The following GRSF1 variants were observed in gnomAD, a reference collection of about 807,000 sequenced individuals.
The protein encoded by GRSF1 is G-rich sequence factor 1.
GRSF1 carries 50 observed loss-of-function variants against 51.1 expected under a neutral mutation model. The observed-to-expected ratio is 0.98, with a 90% CI of 0.78 to 1.24. The LOEUF (loss-of-function observed/expected upper bound fraction) is 1.24. GRSF1 is among the 50% of genes most tolerant of loss of function. GRSF1 has a pLI of 0.00. For synonymous variants in GRSF1, 293 were observed against 253.3 expected (o/e 1.16, Z -1.49); for missense variants, 700 against 639.7 (o/e 1.09, Z -1.02).
chr4:70,841,655 A>G (rs1734461175), upstream of GRSF1, among the ~76,000 whole-genome samples: 1 of 152,196 alleles, frequency 6.6e-6, no homozygotes, highest in East Asian at 1.9e-4. Context: ...TTTTAAAGCA[A>G]TGGGTATTAC....
intron 5 of GRSF1, among the ~76,000 whole-genome samples, chr4:70,828,407 A>G (rs527399474): frequency 6.6e-6 from 1 of 152,202 alleles, no homozygotes. Flanking sequence ...CTGAAATTCA[A>G]TTCTGTGCAA....
At chr4:70,835,653 G>C (rs549006687) in intron 2 of GRSF1, among the ~76,000 whole-genome samples, 109 of 152,028 alleles carry the variant, frequency 7.2e-4, no homozygotes, top group African/African-American at 2.5e-3. Context: ...ATGTTAGCCA[G>C]GATGGTCTCG....
At chr4:70,836,731 T>C (rs145307561) in intron 1 of GRSF1, among the ~76,000 whole-genome samples, 2 of 152,124 alleles carry the variant, frequency 1.3e-5, no homozygotes, top group East Asian at 3.9e-4. Context: ...ATAATTAAGA[T>C]ACAAAATACT....
intron 9 of GRSF1, among the ~76,000 whole-genome samples, chr4:70,822,406 A>G (rs2148834854): frequency 6.6e-6 from 1 of 151,996 alleles, no homozygotes; most frequent in African/African-American, 2.4e-5. Flanking sequence ...AACATGGTGA[A>G]ACCCCGTCTC....
intron 9 of GRSF1, among the ~76,000 whole-genome samples, chr4:70,821,668 TG>T (rs1389499727): frequency 8.3e-6 from 1 of 120,858 alleles, no homozygotes; most frequent in Non-Finnish European, 1.6e-5. Context: ...CGTGTTTTTT[TG>T]TTCCTTTTTT....
upstream of GRSF1, chr4:70,839,898 A>T (rs368076916): frequency 4.3e-5 from 55 of 1,279,098 alleles, no homozygotes; most frequent in East Asian, 1.1e-4. Context: ...AGTGGAATCC[A>T]GGGCCGGTTG....
At chr4:70,833,521 A>G (rs1734068597) in intron 2 of GRSF1, among the ~76,000 whole-genome samples, 1 of 152,206 alleles carries the variant, frequency 6.6e-6, no homozygotes, top group Non-Finnish European at 1.5e-5. Context: ...TAAATAGCAA[A>G]TCAGGATAGG....
intron 5 of GRSF1, among the ~76,000 whole-genome samples, chr4:70,830,075 A>G (rs1338714498): frequency 1.3e-5 from 2 of 152,300 alleles, no homozygotes; most frequent in South Asian, 2.1e-4. Context: ...TAATTTCTTC[A>G]AAAGTCAATT....
In GRSF1 at chr4:70,815,838, T is replaced by C. The variant is rs1733289617; in HGVS notation, c.*5049A>G. ...ATAGCCCCAAACTAGAAACAGCCCA[T>C]TGTTCACCAGTTAGTTGTTCACCTA... On this transcript the variant is annotated 3_prime_UTR_variant, in exon 10 of 10. Coordinates refer to ENST00000254799, the MANE Select transcript of GRSF1 (RefSeq NM_002092.4). 6.6e-6 allele frequency: 1 copy of C among 152,206 alleles called. No individual in the cohort carries two copies. The highest frequency in any genetic ancestry group is 2.1e-4 in the South Asian group (1 of 4,828). The allele number at this position is 152,206 out of a possible 1,614,324, so 9.4% of individuals were successfully genotyped here. A position where few individuals can be genotyped will look rare whatever the true frequency, so the allele number is the denominator to read the frequency against.
At chr4:70,826,937 C>G (rs574900131) in intron 6 of GRSF1, among the ~76,000 whole-genome samples, 1 of 152,134 alleles carries the variant, frequency 6.6e-6, no homozygotes, top group African/African-American at 2.4e-5. Context: ...TTAAAAGATT[C>G]CAAATGTTGC....
chr4:70,825,293 T>TA lies in GRSF1; in HGVS notation c.1393+2dup. On this transcript the variant is annotated splice_region_variant and intron_variant, in intron 8 of 9. Transcript: ENST00000254799. ...GACAACAAAAGCCAAAGGCAGGACT[T>TA]ACGAACGTGGGACCGATCCTTGAGC... is the stretch of plus-strand genomic sequence containing the variant. The TA allele has an allele frequency of 6.3e-7, 1 of 1,599,652 alleles. No homozygotes were observed. Among genetic ancestry groups the TA allele is most frequent in the Non-Finnish European group, 8.5e-7 (1 of 1,169,812 alleles).
rs1185412294 is a variant in GRSF1 at position 70,824,171 on chromosome 4, A to G, written c.*25+123T>C. On this transcript the variant is annotated intron_variant, in intron 9 of 9. Coordinates refer to ENST00000254799, the MANE Select transcript of GRSF1 (RefSeq NM_002092.4). The stretch of plus-strand genomic sequence containing the variant: ...TTTTTAGTAGAGACAGGGTTTCACC[A>G]TGTTGGCCAGGCTGGCTTGAACTCC... 1.3e-5 allele frequency: 6 copies of G among 470,276 alleles called. No individual in the cohort carries two copies. The East Asian group carries it at 2.2e-4, about 17-fold the overall frequency. 29.1% of individuals were successfully genotyped at this position (470,276 alleles called of 1,614,324 possible). A position where few individuals can be genotyped will look rare whatever the true frequency, so the allele number is the denominator to read the frequency against.
intron 6 of GRSF1, 105 bp from the exon 7 acceptor site, chr4:70,826,350 A>G: frequency 1.0e-6 from 1 of 973,716 alleles, no homozygotes; most frequent in Non-Finnish European, 1.5e-6. Flanking sequence ...AATTCCTCTT[A>G]AGAGCATTAA....
rs114910661 is a variant in GRSF1 at position 70,822,149 on chromosome 4, G to C, written c.*26-1288C>G. On this transcript the variant is annotated intron_variant, in intron 9 of 9. Coordinates refer to ENST00000254799, the MANE Select transcript of GRSF1 (RefSeq NM_002092.4). The stretch of plus-strand genomic sequence containing the variant: ...TCAAGATGTATTAAGCAAATCTCAC[G>C]GGTAGGTTAACACTATAAAATTATG... Among the ~76,000 whole-genome samples, 282 of 152,014 alleles carry C rather than the reference G, an allele frequency of 1.9e-3. 2 individuals are homozygous for C. The highest frequency in any genetic ancestry group is 1.2e-3 in the Non-Finnish European group (79 of 67,974).
At chr4:70,840,087 TG>T (rs1459839817), upstream of GRSF1, 2 of 303,220 alleles carry the variant, frequency 6.6e-6, no homozygotes, top group Non-Finnish European at 1.2e-5. Flanking sequence ...TGGGCGGGGC[TG>T]CCCATGGTTT....
At chr4:70,836,957 G>A (rs137984453) in intron 1 of GRSF1, among the ~76,000 whole-genome samples, 72 of 152,334 alleles carry the variant, frequency 4.7e-4, no homozygotes, top group African/African-American at 1.6e-3. Context: ...GGCAAAAGAG[G>A]TTGGTACCAT....
At position 70,834,296 on chromosome 4, in the gene GRSF1, A is replaced by G. The variant is rs1734105488; in HGVS notation, c.515-1023T>C. 1.3e-5 allele frequency among the ~76,000 whole-genome samples: 2 copies of G among 151,994 alleles called. 1 individual carries two copies. Among genetic ancestry groups the G allele is most frequent in the African/African-American group, 4.8e-5 (2 of 41,374 alleles). ...AAAAATAAATCATAGTCAGATACAG[A>G]AACTAAAAAAAAAAATCCCACAGAT... On this transcript the variant is annotated intron_variant, in intron 2 of 9. Transcript: ENST00000254799.
At chr4:70,832,568 T>C in intron 3 of GRSF1, 118 bp from the exon 4 acceptor site, 1 of 614,186 alleles carries the variant, frequency 1.6e-6, no homozygotes, top group Non-Finnish European at 2.9e-6. Flanking sequence ...TTTTAATCTT[T>C]ATGCGCTTCT....
chr4:70,826,507 TAA>T (rs1403753103), intron 6 of GRSF1, among the ~76,000 whole-genome samples: 1 of 148,390 alleles, frequency 6.7e-6, no homozygotes, highest in Non-Finnish European at 1.5e-5. Context: ...AATTAAACCC[TAA>T]AAGAGACTTT....
Sources: gnomAD v4.1 joint callset for allele counts (sites outside exome capture counted in the v4.1 genomes callset) on GRCh38, gnomAD v4.1.1 for gene constraint, MANE v1.5 for transcripts, NCBI Gene and HGNC (gene_info 2026-07-23, HGNC 2026-07-21) for gene names.